Variants in GRAMD1B observed in about 807,000 individuals in gnomAD.
The protein encoded by GRAMD1B is GRAM domain containing 1B.
In GRAMD1B, 37 loss-of-function variants were observed where a neutral mutation model predicts 99.7. The observed-to-expected ratio is 0.37, with a 90% CI of 0.29 to 0.49. GRAMD1B has a LOEUF of 0.49. GRAMD1B is among the 20% of genes least tolerant of loss of function. The pLI, the probability that GRAMD1B is intolerant of heterozygous loss-of-function variation, is 0.98. For synonymous variants in GRAMD1B, 427 were observed against 387.6 expected (o/e 1.10, Z -1.19); for missense variants, 888 against 1,009.2 (o/e 0.88, Z 1.63).
chr11:123,360,878 G>A (rs907903495), intron 1 of GRAMD1B, among the ~76,000 whole-genome samples: 2 of 146,756 alleles, frequency 1.4e-5, no homozygotes, highest in Admixed American at 7.0e-5. Context: ...GTGCAGTGGT[G>A]CAATCTGGGC....
At chr11:123,375,644 GAGA>G in intron 1 of GRAMD1B, among the ~76,000 whole-genome samples, 1 of 152,300 alleles carries the variant, frequency 6.6e-6, no homozygotes, top group South Asian at 2.1e-4. Context: ...AGGAAGTTTG[GAGA>G]AGGTGAGAGT....
At chr11:123,583,064 ATG>A (rs1243607916) in intron 3 of GRAMD1B, among the ~76,000 whole-genome samples, 3 of 150,010 alleles carry the variant, frequency 2.0e-5, no homozygotes, top group East Asian at 4.0e-4. Context: ...GTCTCTGTAT[ATG>A]TGTGTGTCTC....
chr11:123,494,350 C>T (rs922016516), intron 2 of GRAMD1B, among the ~76,000 whole-genome samples: 6 of 151,920 alleles, frequency 3.9e-5, no homozygotes, highest in African/African-American at 1.5e-4. Context: ...CACATGTTCC[C>T]CTTTCTCTGA....
chr11:123,419,580 A>C (rs978986777), intron 1 of GRAMD1B, among the ~76,000 whole-genome samples: 1 of 152,106 alleles, frequency 6.6e-6, no homozygotes, highest in African/African-American at 2.4e-5. Flanking sequence ...GCAGTAAACT[A>C]TGATTGTGCT....
In GRAMD1B at chr11:123,483,737, G is replaced by A. The variant is rs577548509; in HGVS notation, c.452+2844G>A. On this transcript the variant is annotated intron_variant, in intron 2 of 19. Coordinates refer to ENST00000635736, the MANE Select transcript of GRAMD1B (RefSeq NM_001387025.1). ...GGGTAACAAACCGCAGATAAGGGGG[G>A]ACTGCTGTAATCTCTCCCCTTCATA... Among the ~76,000 whole-genome samples, 19 of 152,224 alleles carry A rather than the reference G, an allele frequency of 1.2e-4. No homozygotes were observed. In the East Asian group the frequency reaches 3.7e-3, roughly 29 times the overall value.
At chr11:123,400,000 T>C (rs1947603643) in intron 1 of GRAMD1B, among the ~76,000 whole-genome samples, 1 of 152,328 alleles carries the variant, frequency 6.6e-6, no homozygotes, top group Non-Finnish European at 1.5e-5. Flanking sequence ...CATTTATATG[T>C]CTTCTTTAGA....
rs774236612 is a variant in GRAMD1B, at chr11:123,606,700, T to C, written c.1415T>C (p.Ile472Thr). ...LAIDNIMGEK[I>T]EMIAPVNSPS... ...ATTGACAACATCATGGGGGAGAAGATTGAGATGATCGCTCCTGTGAACTCC... is the reference window on the plus strand; with the variant it reads ...ATTGACAACATCATGGGGGAGAAGACTGAGATGATCGCTCCTGTGAACTCC... The change falls in exon 11 of 20, where the codon ATT (isoleucine) becomes ACT (threonine). Residue 472 changes from isoleucine (I) to threonine (T), a missense_variant. Physicochemically the swap from Ile to Thr is moderately conservative, Grantham distance 89 (BLOSUM62 -1). Coordinates refer to ENST00000635736, the MANE Select transcript of GRAMD1B (RefSeq NM_001387025.1). The C allele has an allele frequency of 8.7e-6, 14 of 1,613,582 alleles. No individual in the cohort carries two copies. Among genetic ancestry groups the C allele is most frequent in the South Asian group, 2.2e-5 (2 of 90,924 alleles).
chr11:123,467,987 C>G (rs1257449767), intron 1 of GRAMD1B, among the ~76,000 whole-genome samples: 2 of 151,986 alleles, frequency 1.3e-5, no homozygotes, highest in African/African-American at 4.8e-5. Context: ...CCTCAGCCTC[C>G]CGAGTAGCTG....
chr11:123,613,857 A>C (rs1187178401), intron 16 of GRAMD1B, among the ~76,000 whole-genome samples, 199 bp downstream of exon 16: 1 of 152,172 alleles, frequency 6.6e-6, no homozygotes, highest in Non-Finnish European at 1.5e-5. Context: ...AGCTGAACCC[A>C]TATGTGTGCT....
intron 1 of GRAMD1B, among the ~76,000 whole-genome samples, chr11:123,408,204 G>A (rs142194611): frequency 2.2e-3 from 330 of 152,262 alleles, no homozygotes; most frequent in African/African-American, 7.3e-3. Context: ...TGGACTTAAC[G>A]CTTTCTCAGC....
chr11:123,432,061 G>A lies in GRAMD1B; in HGVS notation c.374+895G>A, dbSNP rs1198859531. The A allele has an allele frequency of 1.0e-5, 4 of 398,526 alleles. No homozygotes were observed. The East Asian group carries it at 1.4e-4, about 14-fold the overall frequency. The allele number at this position is 398,526 out of a possible 1,614,324, so 24.7% of individuals were successfully genotyped here. A position where few individuals can be genotyped will look rare whatever the true frequency, so the allele number is the denominator to read the frequency against. ...ATTTGTGTTCTTGTGCGGAGCAACT[G>A]AGTCATTGATCACTTTCCCTGGAAT... On this transcript the variant is annotated intron_variant, in intron 1 of 19. Transcript: ENST00000635736.
At chr11:123,425,552 T>C (rs2136062533), upstream of GRAMD1B, among the ~76,000 whole-genome samples, 1 of 152,224 alleles carries the variant, frequency 6.6e-6, no homozygotes, top group African/African-American at 2.4e-5. Context: ...TGACAGTCCT[T>C]CTCCTGAGGT....
intron 1 of GRAMD1B, among the ~76,000 whole-genome samples, chr11:123,361,883 A>G (rs949831290): frequency 6.6e-6 from 1 of 152,240 alleles, no homozygotes; most frequent in Non-Finnish European, 1.5e-5. Flanking sequence ...GAGAGAAAGT[A>G]TCTTAGGAAA....
chr11:123,612,372 G>A (rs181993369), intron 14 of GRAMD1B, among the ~76,000 whole-genome samples: 71 of 152,334 alleles, frequency 4.7e-4, no homozygotes, highest in Non-Finnish European at 4.6e-4. Flanking sequence ...AGGATGAGCC[G>A]TCTTACTTTC....
At chr11:123,581,216 C>T (rs1380240481) in intron 3 of GRAMD1B, among the ~76,000 whole-genome samples, 2 of 152,210 alleles carry the variant, frequency 1.3e-5, no homozygotes, top group Non-Finnish European at 2.9e-5. Flanking sequence ...TCCCCAACAG[C>T]TGTGTCTTTG....
At chr11:123,597,129 CTT>C (rs35382306) in intron 7 of GRAMD1B, among the ~76,000 whole-genome samples, 120 of 137,040 alleles carry the variant, frequency 8.8e-4, no homozygotes, top group African/African-American at 1.9e-3. Context: ...AGTCCAACTC[CTT>C]TTTTTTTTTT....
chr11:123,589,757 C>T (rs1461501155), intron 4 of GRAMD1B, among the ~76,000 whole-genome samples: 1 of 151,950 alleles, frequency 6.6e-6, no homozygotes, highest in Non-Finnish European at 1.5e-5. Context: ...CCACTGTGCC[C>T]AGCCTGGAAT....
chr11:123,466,911 G>A (rs1262161894), intron 1 of GRAMD1B, among the ~76,000 whole-genome samples: 1 of 152,184 alleles, frequency 6.6e-6, no homozygotes, highest in Non-Finnish European at 1.5e-5. Context: ...TAGGATGTGG[G>A]AAACTAGAAA....
intron 1 of GRAMD1B, among the ~76,000 whole-genome samples, chr11:123,359,554 C>A (rs1266673321): frequency 6.6e-6 from 1 of 152,036 alleles, no homozygotes; most frequent in Non-Finnish European, 1.5e-5. Flanking sequence ...CAAAAAGTTC[C>A]TCAGCAGGAT....
Sources: allele counts gnomAD v4.1 joint callset (sites outside exome capture counted in the v4.1 genomes callset), GRCh38; gene constraint gnomAD v4.1.1; transcripts MANE v1.5; gene names NCBI Gene and HGNC (gene_info 2026-07-23, HGNC 2026-07-21).